QRFPR: variants seen among roughly 807,000 people sequenced by gnomAD.
The protein encoded by QRFPR is pyroglutamylated RFamide peptide receptor, also known as pyroglutamylated RF-amide peptide receptor.
QRFPR carries 37 observed loss-of-function variants against 31.3 expected under a neutral mutation model. That is an observed-to-expected ratio of 1.18 (90% CI 0.91 to 1.56). The LOEUF (loss-of-function observed/expected upper bound fraction) is 1.56, where lower values mean the gene tolerates loss of function less well. QRFPR is among the 40% of genes most tolerant of loss of function. QRFPR has a pLI of 0.00. For missense variants in QRFPR, 542 were observed against 532.5 expected (o/e 1.02, Z -0.18); for synonymous variants, 197 against 192.0 (o/e 1.03, Z -0.22).
intron 1 of QRFPR, among the ~76,000 whole-genome samples, chr4:121,376,536 T>C (rs1408566101): frequency 7.2e-6 from 1 of 138,592 alleles, no homozygotes; most frequent in African/African-American, 2.8e-5. Flanking sequence ...GTTTGATTTC[T>C]GGGTTTGTTT....
chr4:121,365,639 TTTTATATATTATATATTA>T (rs1560744257), intron 1 of QRFPR, among the ~76,000 whole-genome samples: 2 of 17,504 alleles, frequency 1.1e-4, no homozygotes, highest in Non-Finnish European at 2.0e-4. Flanking sequence ...TATATATATA[TTTTATATATTATATATTA>T]TATATATTTT....
chr4:121,330,202 G>C (rs971459014), intron 5 of QRFPR, among the ~76,000 whole-genome samples: 1 of 152,148 alleles, frequency 6.6e-6, no homozygotes, highest in Non-Finnish European at 1.5e-5. Flanking sequence ...CATGGGAGAG[G>C]AATCTCAAAG....
rs144282209 is a variant in QRFPR at position 121,380,581 on chromosome 4, C to G, written c.67G>C (p.Glu23Gln). The change falls in exon 1 of 6, where the codon GAG becomes CAG. Residue 23 changes from glutamate to glutamine, a missense_variant. Physicochemically the swap from Glu to Gln is conservative, Grantham distance 29. Coordinates refer to ENST00000394427, the MANE Select transcript of QRFPR (RefSeq NM_198179.3). ...AGCCGGTACAGAGCGATGAACTGCTCCCGCGTCAGGTTGTGGTCCCGCAGC... is the reference window on the plus strand; with the variant it reads ...AGCCGGTACAGAGCGATGAACTGCTGCCGCGTCAGGTTGTGGTCCCGCAGC... ...RLLRDHNLTR[E>Q]QFIALYRLRP... 1,080 of 1,607,560 alleles carry G rather than the reference C, an allele frequency of 6.7e-4. 1 individual carries two copies. Among genetic ancestry groups the G allele is most frequent in the South Asian group, 9.9e-4 (89 of 90,336 alleles).
chr4:121,340,202 T>C (rs1725515230), intron 2 of QRFPR: 2 of 427,462 alleles, frequency 4.7e-6, no homozygotes, highest in Non-Finnish European at 8.6e-6. Flanking sequence ...TAGCTGAACA[T>C]AGTGCTTAAA....
chr4:121,351,189 G>A (rs911472942), intron 1 of QRFPR, among the ~76,000 whole-genome samples: 30 of 152,184 alleles, frequency 2.0e-4, no homozygotes, highest in Admixed American at 2.0e-3. Context: ...TAGCTGCTCC[G>A]TGTACAGGTA....
intron 5 of QRFPR, 96 bp from the exon 6 acceptor site, chr4:121,329,810 G>A (rs1360180663): frequency 1.1e-6 from 1 of 913,046 alleles, no homozygotes; most frequent in South Asian, 2.1e-5. Context: ...ACTTGTACAA[G>A]TATCTGAAGG....
intron 1 of QRFPR, among the ~76,000 whole-genome samples, chr4:121,355,955 T>C (rs912041048): frequency 1.3e-5 from 2 of 152,180 alleles, no homozygotes; most frequent in African/African-American, 4.8e-5. Flanking sequence ...CAAAAAAATT[T>C]TGAGACTTGT....
intron 1 of QRFPR, among the ~76,000 whole-genome samples, chr4:121,367,071 G>C (rs1726145359): frequency 6.7e-6 from 1 of 150,136 alleles, no homozygotes; most frequent in African/African-American, 2.5e-5. Context: ...GAACTAAACA[G>C]CAAGAATGTC....
intron 1 of QRFPR, among the ~76,000 whole-genome samples, chr4:121,372,389 A>AT (rs957396612): frequency 2.6e-5 from 4 of 152,102 alleles, no homozygotes; most frequent in African/African-American, 9.7e-5. Flanking sequence ...AAAAAGTTTT[A>AT]TTTTTTGTTC....
At chr4:121,348,547 C>T (rs138405703) in intron 1 of QRFPR, among the ~76,000 whole-genome samples, 1,889 of 152,060 alleles carry the variant, frequency 0.012, 16 homozygotes, top group South Asian at 0.018. Context: ...ATTTCTTCTC[C>T]GGTTTCTTTA....
At chr4:121,336,773 A>G in intron 3 of QRFPR, 34 bp downstream of exon 3, 1 of 1,519,214 alleles carries the variant, frequency 6.6e-7, no homozygotes, top group South Asian at 1.1e-5. Flanking sequence ...AAAATAGTTC[A>G]ACAATATGAT....
chr4:121,380,197 GAGAGAGAGAGAGA>G (rs1726451941), intron 1 of QRFPR, 98 bp downstream of exon 1: 9,319 of 439,308 alleles, frequency 0.021, 276 homozygotes, highest in African/African-American at 0.051. Flanking sequence ...GAGAGAGAGA[GAGAGAGAGAGAGA>G]GAGAGAGAGA....
intron 1 of QRFPR, chr4:121,369,603 T>A: frequency 6.2e-7 from 1 of 1,611,368 alleles, no homozygotes; most frequent in South Asian, 1.1e-5. Context: ...GGAGAGGGCT[T>A]CTGGGCTCCT....
At position 121,332,674 on chromosome 4, in the gene QRFPR, A is replaced by G. The variant is rs552732794; in HGVS notation, c.797+147T>C. On this transcript the variant is annotated intron_variant, in intron 4 of 5. Coordinates refer to ENST00000394427, the MANE Select transcript of QRFPR (RefSeq NM_198179.3). ...TTTCAGACACATGTAAAACTTCAAG[A>G]GTTTAAAATCAGTCCATGCCCTAAA... The G allele has an allele frequency of 1.7e-5, 11 of 634,454 alleles. No homozygotes were observed. In the South Asian group the frequency reaches 2.4e-4, roughly 14 times the overall value. The allele number at this position is 634,454 out of a possible 1,614,324, so 39.3% of individuals were successfully genotyped here.
intron 1 of QRFPR, among the ~76,000 whole-genome samples, chr4:121,367,420 T>A (rs1726150651): frequency 6.7e-6 from 1 of 150,290 alleles, no homozygotes; most frequent in Non-Finnish European, 1.5e-5. Context: ...ATGATTAGTT[T>A]GAATCCTCAT....
At chr4:121,369,176 C>T (rs1206692399) in intron 1 of QRFPR, among the ~76,000 whole-genome samples, 2 of 152,062 alleles carry the variant, frequency 1.3e-5, no homozygotes, top group Admixed American at 6.5e-5. Context: ...CTATAGGCAC[C>T]CACCACCATG....
intron 3 of QRFPR, among the ~76,000 whole-genome samples, chr4:121,334,977 A>G (rs1037241863): frequency 1.3e-5 from 2 of 152,188 alleles, no homozygotes; most frequent in Non-Finnish European, 2.9e-5. Flanking sequence ...GCATGGCCTC[A>G]GGAAGTCTTT....
chr4:121,354,040 G>T (rs11733014), intron 1 of QRFPR, among the ~76,000 whole-genome samples: 42,980 of 151,860 alleles, frequency 0.28, 6,515 homozygotes, highest in Middle Eastern at 0.38. Flanking sequence ...TTATTCCCGG[G>T]TTCTTTATTC....
chr4:121,360,706 T>C (rs962215125), intron 1 of QRFPR, among the ~76,000 whole-genome samples: 1 of 152,222 alleles, frequency 6.6e-6, no homozygotes, highest in African/African-American at 2.4e-5. Context: ...AACTCTTACT[T>C]TGAAATTCAC....
Sources: gnomAD v4.1 joint callset for allele counts (sites outside exome capture counted in the v4.1 genomes callset) on GRCh38, gnomAD v4.1.1 for gene constraint, MANE v1.5 for transcripts, NCBI Gene and HGNC (gene_info 2026-07-23, HGNC 2026-07-21) for gene names.